The following TMEM50A variants were observed in gnomAD, a reference collection of about 807,000 sequenced individuals.
TMEM50A encodes the protein transmembrane protein 50A.
A neutral mutation model predicts 23.9 loss-of-function variants in TMEM50A; 8 were observed. The observed-to-expected ratio is 0.33, with a 90% CI of 0.20 to 0.60. The LOEUF (loss-of-function observed/expected upper bound fraction) is 0.60, where lower values mean the gene tolerates loss of function less well. Ranked by LOEUF, TMEM50A falls within the 20% of genes least tolerant of loss-of-function variation. The probability of loss-of-function intolerance (pLI) is 0.81; values close to 1 mark genes in which losing one functional copy is unlikely to be tolerated. For missense variants in TMEM50A, 178 were observed against 192.7 expected, an observed-to-expected ratio of 0.92 and a Z score of 0.45; for synonymous variants, 55 against 60.4, an observed-to-expected ratio of 0.91 and a Z score of 0.41.
chr1:25,352,069 G>A (rs1467245120), intron 4 of TMEM50A, among the ~76,000 whole-genome samples: 2 of 152,134 alleles, frequency 1.3e-5, no homozygotes, highest in Non-Finnish European at 2.9e-5. Flanking sequence ...CTAAGTTCTA[G>A]TCACAGTAAA....
intron 6 of TMEM50A, among the ~76,000 whole-genome samples, chr1:25,359,624 G>A (rs1369489354): frequency 6.6e-6 from 1 of 152,188 alleles, no homozygotes; most frequent in Non-Finnish European, 1.5e-5. Context: ...TTGTGGGTTG[G>A]ACAAGCTTGC....
intron 6 of TMEM50A, among the ~76,000 whole-genome samples, chr1:25,360,036 G>A (rs1180633837): frequency 6.6e-6 from 1 of 152,178 alleles, no homozygotes; most frequent in African/African-American, 2.4e-5. Context: ...AAAACAGTTT[G>A]TTGAATGAAT....
At chr1:25,350,926 C>T (rs1220541446) in intron 3 of TMEM50A, among the ~76,000 whole-genome samples, 2 of 151,630 alleles carry the variant, frequency 1.3e-5, no homozygotes, top group African/African-American at 4.8e-5. Context: ...CTTTGGGAGG[C>T]CGAGGCGGGC....
rs145441924 is a variant in TMEM50A, at chr1:25,349,400, C to T, written c.207-2226C>T. Among the ~76,000 whole-genome samples the T allele has an allele frequency of 1.2e-4, 18 of 152,226 alleles. No homozygotes were observed. In the East Asian group the frequency reaches 3.5e-3, roughly 29 times the overall value. On this transcript the variant is annotated intron_variant, in intron 3 of 6. Transcript: ENST00000374358. Reference sequence around the variant, plus strand: ...TCTGAAGTTTATTCAGATGGCTCAGCAAGGAAAACGAGCTGAGAACCAGTA... The same window carrying T: ...TCTGAAGTTTATTCAGATGGCTCAGTAAGGAAAACGAGCTGAGAACCAGTA...
intron 2 of TMEM50A, 27 bp downstream of exon 2, chr1:25,340,606 T>A (rs772684585): frequency 6.4e-7 from 1 of 1,572,644 alleles, no homozygotes; most frequent in Non-Finnish European, 8.7e-7. Context: ...ATTTGGGCCT[T>A]ATTTTTTGGT....
chr1:25,353,029 T>G lies in TMEM50A; in HGVS notation c.367+55T>G. On this transcript the variant is annotated intron_variant, in intron 5 of 6. Coordinates refer to ENST00000374358, the MANE Select transcript of TMEM50A (RefSeq NM_014313.4). ...TCAGTGGAATACTGGAATTTTGCAT[T>G]AAAGTTGGTTATTTTAGAATAAAAT... The G allele has an allele frequency of 2.0e-6, 3 of 1,500,916 alleles. No individual in the cohort carries two copies. The South Asian group carries it at 3.8e-5, about 19-fold the overall frequency. 93.0% of individuals were successfully genotyped at this position (1,500,916 alleles called of 1,614,324 possible). A position where few individuals can be genotyped will look rare whatever the true frequency, so the allele number is the denominator to read the frequency against.
At chr1:25,356,887 T>G (rs779327569) in intron 6 of TMEM50A, 34 bp downstream of exon 6, 11 of 1,459,206 alleles carry the variant, frequency 7.5e-6, no homozygotes, top group Non-Finnish European at 1.0e-5. Flanking sequence ...TGTTTGTTTG[T>G]TTTTTTTTAA....
chr1:25,344,708 TG>T (rs1368456368), intron 3 of TMEM50A, among the ~76,000 whole-genome samples: 3 of 151,794 alleles, frequency 2.0e-5, no homozygotes, highest in African/African-American at 4.8e-5. Flanking sequence ...TGTTTTTTTT[TG>T]TTTTTTGTTT....
At chr1:25,340,401 T>C in intron 1 of TMEM50A, 73 bp from the exon 2 acceptor site, 1 of 943,306 alleles carries the variant, frequency 1.1e-6, no homozygotes, top group South Asian at 1.5e-5. Flanking sequence ...ATTCCTGAGC[T>C]ATTAATTATT....
chr1:25,342,879 A>G lies in TMEM50A; in HGVS notation c.94-82A>G, dbSNP rs561454577. On this transcript the variant is annotated intron_variant, in intron 2 of 6. Coordinates refer to ENST00000374358, the MANE Select transcript of TMEM50A (RefSeq NM_014313.4). The stretch of plus-strand genomic sequence containing the variant: ...ACATTTTTGAAATGTATTAAAAGGG[A>G]TCTCCTCACTTAAATACCTTGCTTT... 2.8e-6 allele frequency: 3 copies of G among 1,074,674 alleles called. No homozygotes were observed. In the African/African-American group the frequency reaches 4.7e-5, roughly 17 times the overall value. 66.6% of individuals were successfully genotyped at this position (1,074,674 alleles called of 1,614,324 possible). A position where few individuals can be genotyped will look rare whatever the true frequency, so the allele number is the denominator to read the frequency against.
intron 2 of TMEM50A, 35 bp from the exon 3 acceptor site, chr1:25,342,926 G>T (rs374836378): frequency 1.2e-4 from 181 of 1,561,380 alleles, no homozygotes; most frequent in Middle Eastern, 1.7e-4. Context: ...ATACAGAATT[G>T]CTATGATTTC....
chr1:25,355,640 A>G (rs1645325748), intron 5 of TMEM50A, among the ~76,000 whole-genome samples: 1 of 152,238 alleles, frequency 6.6e-6, no homozygotes. Flanking sequence ...AATAGTGGTG[A>G]AGACCTATGC....
intron 3 of TMEM50A, 41 bp from the exon 4 acceptor site, chr1:25,351,585 G>A (rs200725139): frequency 1.8e-5 from 28 of 1,538,964 alleles, no homozygotes; most frequent in Middle Eastern, 1.7e-4. Context: ...GGTAATTGGT[G>A]TCATGGACCC....
intron 2 of TMEM50A, 182 bp from the exon 3 acceptor site, chr1:25,342,779 T>C (rs1645179639): frequency 2.5e-6 from 1 of 396,204 alleles, no homozygotes; most frequent in Non-Finnish European, 4.5e-6. Context: ...TTAATAAATA[T>C]AAATTGCTCT....
chr1:25,352,756 G>A (rs1400668879), intron 4 of TMEM50A, 126 bp from the exon 5 acceptor site: 7 of 747,882 alleles, frequency 9.4e-6, no homozygotes, highest in Non-Finnish European at 1.5e-5. Flanking sequence ...ATCCTTTACT[G>A]TTCTCACGTT....
At chr1:25,358,819 C>T (rs1219449350) in intron 6 of TMEM50A, among the ~76,000 whole-genome samples, 11 of 152,346 alleles carry the variant, frequency 7.2e-5, no homozygotes, top group Middle Eastern at 3.4e-3. Flanking sequence ...GTAGAGGCCT[C>T]TAATAACCAA....
chr1:25,339,112 T>C (rs1262792882), intron 1 of TMEM50A, among the ~76,000 whole-genome samples: 1 of 152,250 alleles, frequency 6.6e-6, no homozygotes, highest in South Asian at 2.1e-4. Context: ...CGTTGCTCTA[T>C]TGTAGGGTGT....
At chr1:25,352,157 A>AT (rs894527552) in intron 4 of TMEM50A, among the ~76,000 whole-genome samples, 2 of 152,068 alleles carry the variant, frequency 1.3e-5, no homozygotes, top group African/African-American at 4.8e-5. Context: ...CTGAATATGA[A>AT]TTTTTTACTG....
At chr1:25,341,782 C>A (rs988631118) in intron 2 of TMEM50A, among the ~76,000 whole-genome samples, 5 of 152,278 alleles carry the variant, frequency 3.3e-5, no homozygotes, top group Non-Finnish European at 7.4e-5. Context: ...GCAACCTCGA[C>A]CTCCCGGGCT....
Sources: gnomAD v4.1 joint callset for allele counts (sites outside exome capture counted in the v4.1 genomes callset) on GRCh38, gnomAD v4.1.1 for gene constraint, MANE v1.5 for transcripts, NCBI Gene and HGNC (gene_info 2026-07-23, HGNC 2026-07-21) for gene names.